The following BAG4 variants were observed in gnomAD, a reference collection of about 807,000 sequenced individuals.
BAG4 encodes the protein BAG family molecular chaperone regulator 4.
BAG4 carries 28 observed loss-of-function variants against 52.1 expected under a neutral mutation model. The ratio of observed to expected loss-of-function variants is 0.54; its 90% CI spans 0.40 to 0.74. BAG4 has a LOEUF of 0.74. Ranked by LOEUF, BAG4 falls within the 30% of genes least tolerant of loss-of-function variation. The pLI, the probability that BAG4 is intolerant of heterozygous loss-of-function variation, is 0.00. For missense variants in BAG4, 525 were observed against 572.0 expected (o/e 0.92, Z 0.84); for synonymous variants, 208 against 217.0 (o/e 0.96, Z 0.37).
At chr8:38,203,741 A>G (rs1205778399) in intron 2 of BAG4, among the ~76,000 whole-genome samples, 2 of 151,060 alleles carry the variant, frequency 1.3e-5, no homozygotes, top group African/African-American at 4.9e-5. Flanking sequence ...AGGCTGAGGC[A>G]GGAGGATAAC....
chr8:38,177,476 T>C (rs1803183869), intron 1 of BAG4, among the ~76,000 whole-genome samples: 1 of 152,216 alleles, frequency 6.6e-6, no homozygotes, highest in Non-Finnish European at 1.5e-5. Flanking sequence ...TCTAGCAATT[T>C]ATCCTGCGTG....
intron 1 of BAG4, among the ~76,000 whole-genome samples, chr8:38,179,741 G>A (rs767789331): frequency 2.0e-4 from 31 of 151,810 alleles, no homozygotes; most frequent in Non-Finnish European, 3.8e-4. Context: ...ACTCTAGCCT[G>A]GGAGACAAGA....
intron 1 of BAG4, among the ~76,000 whole-genome samples, chr8:38,186,477 CAAAA>C (rs376066793): frequency 6.6e-6 from 1 of 151,938 alleles, no homozygotes; most frequent in Non-Finnish European, 1.5e-5. Context: ...TGGAGAAAGT[CAAAA>C]AAACTGCGGA....
Position 38,207,653 on chromosome 8 carries a change from C to T in BAG4, c.520C>T (p.Arg174Cys), listed in dbSNP as rs375790383. ...CTCCACAGAAGTTCCAAGTACTTACCGTTCATCTGGCAACAGCCCAACTCC... is the reference window on the plus strand; with the variant it reads ...CTCCACAGAAGTTCCAAGTACTTACTGTTCATCTGGCAACAGCCCAACTCC... ...SYSTEVPSTY[R>C]SSGNSPTPVS... Residue 174 changes from arginine (R) to cysteine (C), a missense_variant, in exon 3 of 5, where the codon CGT (arginine) becomes TGT (cysteine). Arg to Cys is a radical substitution (Grantham distance 180). Transcript: ENST00000287322. 9.3e-6 allele frequency: 15 copies of T among 1,614,102 alleles called. No homozygotes were observed. The highest frequency in any genetic ancestry group is 6.7e-5 in the East Asian group (3 of 44,882).
At chr8:38,194,867 T>TTTTTTTTTG (rs1803538376) in intron 2 of BAG4, among the ~76,000 whole-genome samples, 1 of 142,584 alleles carries the variant, frequency 7.0e-6, no homozygotes, top group Admixed American at 7.1e-5. Flanking sequence ...TTTTTTGTTT[T>TTTTTTTTTG]TTTTTTTGGC....
At chr8:38,182,655 A>G (rs1006323561) in intron 1 of BAG4, among the ~76,000 whole-genome samples, 1 of 152,184 alleles carries the variant, frequency 6.6e-6, no homozygotes. Context: ...AAAATTGGTA[A>G]CTTAGTTTAT....
intron 2 of BAG4, chr8:38,202,994 A>G (rs1460268656): frequency 6.6e-6 from 1 of 152,198 alleles, no homozygotes; most frequent in Non-Finnish European, 1.5e-5. Context: ...GTGTCAACCT[A>G]AAATAACAAC....
intron 2 of BAG4, among the ~76,000 whole-genome samples, chr8:38,198,410 CT>C (rs1374104098): frequency 3.0e-4 from 41 of 135,416 alleles, no homozygotes; most frequent in Middle Eastern, 3.8e-3. Context: ...AGTTTTCTTT[CT>C]TTTTTTTTTT....
intron 2 of BAG4, among the ~76,000 whole-genome samples, chr8:38,195,447 C>T (rs1460475690): frequency 2.0e-5 from 3 of 152,156 alleles, no homozygotes; most frequent in African/African-American, 7.2e-5. Context: ...CATCACCATG[C>T]CTTGCTAATT....
intron 1 of BAG4, among the ~76,000 whole-genome samples, chr8:38,191,246 T>C (rs1011053739): frequency 2.6e-5 from 4 of 152,172 alleles, no homozygotes; most frequent in African/African-American, 9.6e-5. Flanking sequence ...AATACCCGCA[T>C]AACAGTACCA....
intron 1 of BAG4, among the ~76,000 whole-genome samples, chr8:38,185,269 AAAAT>A (rs772681527): frequency 2.2e-4 from 34 of 152,308 alleles, no homozygotes; most frequent in Non-Finnish European, 3.7e-4. Context: ...TTAAAATAGA[AAAAT>A]AAATGAGTTC....
intron 2 of BAG4, chr8:38,201,849 TATATATATATATATATATATATATATATA>T (rs1803668903): frequency 2.7e-3 from 17 of 6,366 alleles, no homozygotes; most frequent in Admixed American, 8.7e-3. Flanking sequence ...TATATATATA[TATATATATATATATATATATATATATATA>T]TATTTTTTTT....
At chr8:38,208,332 C>T (rs1444229039) in intron 3 of BAG4, among the ~76,000 whole-genome samples, 4 of 118,550 alleles carry the variant, frequency 3.4e-5, no homozygotes, top group East Asian at 2.6e-4. Flanking sequence ...TTTTTTGAGA[C>T]GGAGTCTCGC....
At chr8:38,195,522 C>T (rs1158306429) in intron 2 of BAG4, among the ~76,000 whole-genome samples, 1 of 152,132 alleles carries the variant, frequency 6.6e-6, no homozygotes, top group African/African-American at 2.4e-5. Flanking sequence ...AACCCCTAGC[C>T]TCAAGCTATC....
chr8:38,210,954 C>T lies in BAG4; in HGVS notation c.*461C>T, dbSNP rs1401197784. On this transcript the variant is annotated 3_prime_UTR_variant, in exon 5 of 5. Transcript: ENST00000287322. ...ACTTCATGTGTAATTATAGCTTAGA[C>T]TTTAGCCTTCTTGGACTTCTGTTTT... 6.5e-6 allele frequency: 1 copy of T among 153,940 alleles called. No individual in the cohort carries two copies. Among genetic ancestry groups the T allele is most frequent in the Non-Finnish European group, 1.4e-5 (1 of 69,062 alleles). The allele number at this position is 153,940 out of a possible 1,614,324, so 9.5% of individuals were successfully genotyped here.
At chr8:38,182,935 A>G (rs971738537) in intron 1 of BAG4, among the ~76,000 whole-genome samples, 2 of 151,268 alleles carry the variant, frequency 1.3e-5, no homozygotes, top group Non-Finnish European at 2.9e-5. Flanking sequence ...AGTAAATTTC[A>G]CTGTCTTTAG....
intron 2 of BAG4, among the ~76,000 whole-genome samples, chr8:38,201,196 AC>A (rs1473490837): frequency 6.6e-6 from 1 of 152,262 alleles, no homozygotes; most frequent in Admixed American, 6.5e-5. Context: ...GATACAACAT[AC>A]AAGTTGTTGG....
At chr8:38,182,597 G>C (rs1181463955) in intron 1 of BAG4, among the ~76,000 whole-genome samples, 1 of 152,084 alleles carries the variant, frequency 6.6e-6, no homozygotes, top group African/African-American at 2.4e-5. Context: ...GTTTTAGTTT[G>C]TATTTCATTC....
intron 1 of BAG4, among the ~76,000 whole-genome samples, chr8:38,182,597 G>A (rs1181463955): frequency 1.3e-5 from 2 of 152,084 alleles, no homozygotes; most frequent in Non-Finnish European, 2.9e-5. Flanking sequence ...GTTTTAGTTT[G>A]TATTTCATTC....
Sources: gnomAD v4.1 joint callset for allele counts (sites outside exome capture counted in the v4.1 genomes callset) on GRCh38, gnomAD v4.1.1 for gene constraint, MANE v1.5 for transcripts, NCBI Gene and HGNC (gene_info 2026-07-23, HGNC 2026-07-21) for gene names.